Variants in NTNG1 observed in about 807,000 individuals in gnomAD.
NTNG1 encodes netrin G1.
In NTNG1, 16 loss-of-function variants were observed where a neutral mutation model predicts 54.0. That is an observed-to-expected ratio of 0.30 (90% CI 0.20 to 0.45). The LOEUF (loss-of-function observed/expected upper bound fraction) is 0.45, where lower values mean the gene tolerates loss of function less well. NTNG1 is among the 20% of genes least tolerant of loss of function. NTNG1 has a pLI of 1.00. For synonymous variants in NTNG1, 255 were observed against 263.1 expected, an observed-to-expected ratio of 0.97 and a Z score of 0.30; for missense variants, 530 against 678.7, an observed-to-expected ratio of 0.78 and a Z score of 2.43.
At chr1:107,378,849 A>G (rs1671470226) in intron 3 of NTNG1, among the ~76,000 whole-genome samples, 1 of 152,266 alleles carries the variant, frequency 6.6e-6, no homozygotes, top group Admixed American at 6.5e-5. Context: ...ACACCAATCA[A>G]TGGTGACTGC....
intron 3 of NTNG1, among the ~76,000 whole-genome samples, chr1:107,353,561 G>A (rs1425191763): frequency 6.6e-6 from 1 of 152,040 alleles, no homozygotes; most frequent in African/African-American, 2.4e-5. Flanking sequence ...AAGTTTGGAA[G>A]TTCCAAACTT....
intron 7 of NTNG1, among the ~76,000 whole-genome samples, chr1:107,454,742 C>T (rs962162192): frequency 2.6e-5 from 4 of 152,334 alleles, no homozygotes; most frequent in African/African-American, 9.6e-5. Flanking sequence ...CTTATTCCAA[C>T]ATCATCATCA....
intron 2 of NTNG1, among the ~76,000 whole-genome samples, chr1:107,275,293 C>T (rs945889120): frequency 2.6e-5 from 4 of 152,060 alleles, no homozygotes; most frequent in Non-Finnish European, 5.9e-5. Flanking sequence ...AGGAGAATGG[C>T]GTGAATCCGG....
chr1:107,464,391 C>G (rs1196019088), intron 7 of NTNG1, among the ~76,000 whole-genome samples: 1 of 152,090 alleles, frequency 6.6e-6, no homozygotes, highest in African/African-American at 2.4e-5. Flanking sequence ...AAGGGATGTT[C>G]AAAAGATTTG....
chr1:107,471,212 C>T (rs1677957344), intron 7 of NTNG1, among the ~76,000 whole-genome samples: 1 of 152,186 alleles, frequency 6.6e-6, no homozygotes, highest in African/African-American at 2.4e-5. Context: ...AACCACCCAG[C>T]CAACAGCTTC....
At chr1:107,193,469 G>A (rs1658107571) in intron 2 of NTNG1, among the ~76,000 whole-genome samples, 1 of 151,900 alleles carries the variant, frequency 6.6e-6, no homozygotes, top group African/African-American at 2.4e-5. Context: ...TACTTCTCTG[G>A]CCAGAAACCC....
At chr1:107,191,094 T>C (rs531749707) in intron 2 of NTNG1, among the ~76,000 whole-genome samples, 1 of 152,328 alleles carries the variant, frequency 6.6e-6, no homozygotes, top group South Asian at 2.1e-4. Flanking sequence ...ACCTGTTGTT[T>C]CCTGACTTTT....
intron 5 of NTNG1, chr1:107,418,629 T>C: frequency 6.2e-7 from 1 of 1,600,824 alleles, no homozygotes; most frequent in Non-Finnish European, 8.5e-7. Context: ...CCCTTGAGGT[T>C]TCTAACCCAA....
At chr1:107,352,137 G>A (rs1213769760) in intron 3 of NTNG1, among the ~76,000 whole-genome samples, 3 of 152,250 alleles carry the variant, frequency 2.0e-5, no homozygotes, top group Non-Finnish European at 4.4e-5. Flanking sequence ...GGCTTTTCCT[G>A]TTGATGGGAG....
intron 3 of NTNG1, among the ~76,000 whole-genome samples, chr1:107,384,788 G>A (rs149978061): frequency 1.4e-3 from 219 of 152,330 alleles, no homozygotes; most frequent in Non-Finnish European, 2.6e-3. Flanking sequence ...ACAGGAATTC[G>A]TATGCAAATT....
At chr1:107,438,668 G>A (rs1418613368) in intron 7 of NTNG1, among the ~76,000 whole-genome samples, 1 of 152,180 alleles carries the variant, frequency 6.6e-6, no homozygotes, top group African/African-American at 2.4e-5. Flanking sequence ...AGGACCTAAA[G>A]AATGGGTTGC....
rs1268140681 is a variant in NTNG1, at chr1:107,287,632, A to G, written c.247-36650A>G. ...TTTAGAGGGTTGATGGTAGGGGAAAAGGTTGAAGATGGACATTTGCAATAC... is the reference window on the plus strand; with the variant it reads ...TTTAGAGGGTTGATGGTAGGGGAAAGGGTTGAAGATGGACATTTGCAATAC... On this transcript the variant is annotated intron_variant, in intron 2 of 7. Coordinates refer to ENST00000370068, the MANE Select transcript of NTNG1 (RefSeq NM_001113226.3). Among the ~76,000 whole-genome samples, 7 of 152,278 alleles carry G rather than the reference A, an allele frequency of 4.6e-5. No individual in the cohort carries two copies. The East Asian group carries it at 1.2e-3, about 25-fold the overall frequency.
At chr1:107,173,881 G>A (rs1315012893) in intron 2 of NTNG1, among the ~76,000 whole-genome samples, 1 of 151,878 alleles carries the variant, frequency 6.6e-6, no homozygotes, top group African/African-American at 2.4e-5. Flanking sequence ...TATGGAATCC[G>A]AATTCCATCA....
chr1:107,450,951 T>C (rs1558009185), intron 7 of NTNG1, among the ~76,000 whole-genome samples: 2 of 151,806 alleles, frequency 1.3e-5, no homozygotes, highest in Non-Finnish European at 2.9e-5. Flanking sequence ...TATCCAGGAG[T>C]GATTACTGGG....
chr1:107,455,107 A>G (rs921621869), intron 7 of NTNG1, among the ~76,000 whole-genome samples: 1 of 150,334 alleles, frequency 6.7e-6, no homozygotes, highest in African/African-American at 2.5e-5. Flanking sequence ...TTTGTCGCCC[A>G]GGCTGGAGTG....
chr1:107,180,780 CATA>C (rs538295625), intron 2 of NTNG1, among the ~76,000 whole-genome samples: 119 of 152,214 alleles, frequency 7.8e-4, no homozygotes, highest in African/African-American at 2.7e-3. Context: ...AAAACTAAAA[CATA>C]ATAATTGCCT....
rs111580620 is a variant in NTNG1 at position 107,439,069 on chromosome 1, C to T, written c.1390+2270C>T. The stretch of plus-strand genomic sequence containing the variant: ...GGACATGTGGACATGGAGTTCACAT[C>T]CGAATGAGAGGCCCAACAATTACGA... On this transcript the variant is annotated intron_variant, in intron 7 of 7. Coordinates refer to ENST00000370068, the MANE Select transcript of NTNG1 (RefSeq NM_001113226.3). 1.1e-3 allele frequency among the ~76,000 whole-genome samples: 163 copies of T among 152,170 alleles called. 1 individual carries two copies. Among genetic ancestry groups the T allele is most frequent in the African/African-American group, 3.9e-3 (160 of 41,502 alleles).
At chr1:107,321,585 G>C (rs1283099828) in intron 2 of NTNG1, among the ~76,000 whole-genome samples, 6 of 152,052 alleles carry the variant, frequency 3.9e-5, no homozygotes, top group Admixed American at 3.9e-4. Context: ...TCCAGGATAC[G>C]ACTTCTGTAG....
chr1:107,441,811 G>T (rs988107610), intron 7 of NTNG1, among the ~76,000 whole-genome samples: 4 of 152,014 alleles, frequency 2.6e-5, no homozygotes, highest in Non-Finnish European at 5.9e-5. Context: ...AAGACAGAAT[G>T]CAACTCATGC....
Sources: allele counts gnomAD v4.1 joint callset (sites outside exome capture counted in the v4.1 genomes callset), GRCh38; gene constraint gnomAD v4.1.1; transcripts MANE v1.5; gene names NCBI Gene and HGNC (gene_info 2026-07-23, HGNC 2026-07-21).